The following SYT8 variants were observed in gnomAD, a reference collection of about 807,000 sequenced individuals.
SYT8 encodes synaptotagmin 8.
A neutral mutation model predicts 34.9 loss-of-function variants in SYT8; 50 were observed. That is an observed-to-expected ratio of 1.43 (90% CI 1.14 to 1.81). The LOEUF is 1.81. Ranked by LOEUF, SYT8 falls within the 40% of genes most tolerant of loss-of-function variation. The probability of loss-of-function intolerance (pLI) is 0.00; values close to 1 mark genes in which losing one functional copy is unlikely to be tolerated. For missense variants in SYT8, 595 were observed against 529.0 expected (o/e 1.12, Z -1.22); for synonymous variants, 255 against 234.2 (o/e 1.09, Z -0.81).
At chr11:1,833,812 G>A (rs1301241790), upstream of SYT8, 2 of 137,810 alleles carry the variant, frequency 1.5e-5, no homozygotes, top group Non-Finnish European at 3.1e-5. Context: ...CTGTGTGCGC[G>A]TGCGTGTGTG....
Position 1,836,438 on chromosome 11 carries a change from A to T in SYT8, c.530A>T (p.Glu177Val). The T allele has an allele frequency of 6.3e-7, 1 of 1,575,860 alleles. No individual in the cohort carries two copies. Among genetic ancestry groups the T allele is most frequent in the Non-Finnish European group, 8.6e-7 (1 of 1,162,652 alleles). ...ETCCFHIPQA[E>V]LPGATLQVQL... ...CCGCTGCCTCAGATCCCGCAGGCGGAGCTGCCAGGGGCCACCCTGCAGGTG... is the reference window on the plus strand; with the variant it reads ...CCGCTGCCTCAGATCCCGCAGGCGGTGCTGCCAGGGGCCACCCTGCAGGTG... Residue 177 changes from glutamate (E) to valine (V), a missense_variant, in exon 5 of 8, where the codon GAG becomes GTG. Transcript: ENST00000341958.
At position 1,836,976 on chromosome 11, in the gene SYT8, G is replaced by A. The variant is rs755002915; in HGVS notation, c.810G>A (p.Gln270=). The A allele has an allele frequency of 5.0e-6, 8 of 1,613,748 alleles. No individual in the cohort carries two copies. Among genetic ancestry groups the A allele is most frequent in the Non-Finnish European group, 6.8e-6 (8 of 1,180,014 alleles). The change falls in exon 7 of 8, where the codon CAG becomes CAA. Residue 270 remains glutamine (Q), a synonymous_variant. Transcript: ENST00000341958. ...PGLAEPYVKV[Q]LMLNQRKWKK... is the part of the protein sequence containing the mutation. ...TCCCAGAGCCCTACGTGAAGGTCCA[G>A]CTCATGCTGAACCAGAGGAAGTGGA... is the stretch of plus-strand genomic sequence containing the variant.
chr11:1,836,073 G>C, intron 3 of SYT8, 53 bp from the exon 4 acceptor site: 1 of 1,554,902 alleles, frequency 6.4e-7, no homozygotes, highest in Non-Finnish European at 8.7e-7. Flanking sequence ...CCTGGGTGGT[G>C]GGGAGCTGAC....
Position 1,836,500 on chromosome 11 carries a change from C to T in SYT8, c.592C>T (p.Pro198Ser), listed in dbSNP as rs753760304. ...FNFKRFSGHE[P>S]LGELRLPLGT... ...CTTCAAGCGCTTCTCGGGGCATGAG[C>T]CCCTGGGTGAGCTCCGTCTGCCACT... The change falls in exon 5 of 8, where the codon CCC becomes TCC. Residue 198 changes from proline to serine, a missense_variant. By Grantham distance (74) the Pro-to-Ser change is moderately conservative. Transcript: ENST00000341958. 3.1e-6 allele frequency: 5 copies of T among 1,612,330 alleles called. No homozygotes were observed. In the Admixed American group the frequency reaches 5.0e-5, roughly 16 times the overall value.
At chr11:1,832,604 G>C (rs916821846), upstream of SYT8, among the ~76,000 whole-genome samples, 1 of 152,162 alleles carries the variant, frequency 6.6e-6, no homozygotes, top group Non-Finnish European at 1.5e-5. Flanking sequence ...GCCGGGTCCC[G>C]AGGGGCGGAC....
chr11:1,835,489 C>A, intron 2 of SYT8, 30 bp downstream of exon 2: 1 of 1,606,022 alleles, frequency 6.2e-7, no homozygotes. Context: ...TCACTCAGTC[C>A]AGAGAGGGCT....
At chr11:1,834,298 A>G, upstream of SYT8, 1 of 538,678 alleles carries the variant, frequency 1.9e-6, no homozygotes, top group Non-Finnish European at 3.3e-6. This position sits in a 1 kb window ranked among gnomAD's most constrained non-coding sequence, Gnocchi z 4.5. Context: ...CTTCCCACCC[A>G]CATGCCGAAG....
At chr11:1,834,728 G>A, upstream of SYT8, 1 of 1,049,772 alleles carries the variant, frequency 9.5e-7, no homozygotes, top group Non-Finnish European at 1.4e-6. This position sits in a 1 kb window ranked among gnomAD's most constrained non-coding sequence, Gnocchi z 4.5. Context: ...GGAGAGAGAA[G>A]CAGGGAGGGA....
intron 2 of SYT8, 89 bp downstream of exon 2, chr11:1,835,548 G>A (rs1480274519): frequency 6.0e-6 from 9 of 1,493,632 alleles, no homozygotes; most frequent in Non-Finnish European, 7.3e-6. Context: ...TTCAGCCCCA[G>A]GGATGGTTTA....
chr11:1,834,326 G>A (rs1304951952), upstream of SYT8: 3 of 545,106 alleles, frequency 5.5e-6, no homozygotes, highest in Non-Finnish European at 6.4e-6. The surrounding 1 kb of genome is among the most constrained non-coding windows in gnomAD (Gnocchi z 4.5). Context: ...AGGCAGGCAG[G>A]TGGACGAGTC....
rs1203701811 is a variant in SYT8 at position 1,835,276 on chromosome 11, C to A, written c.95-20C>A. 6.2e-7 allele frequency: 1 copy of A among 1,600,880 alleles called. No individual in the cohort carries two copies. The highest frequency in any genetic ancestry group is 8.5e-7 in the Non-Finnish European group (1 of 1,171,816). On this transcript the variant is annotated intron_variant, in intron 1 of 7. Transcript: ENST00000341958. ...GGCTGCAGCTGTCCACAGATGCACT[C>A]AGCCTGGCCTCTACCCCAGGGCCCC...
chr11:1,834,231 T>A (rs1020012487), upstream of SYT8: 1 of 430,188 alleles, frequency 2.3e-6, no homozygotes, highest in African/African-American at 2.1e-5. The surrounding 1 kb of genome is among the most constrained non-coding windows in gnomAD (Gnocchi z 4.5). Flanking sequence ...GTGTGCTCCC[T>A]CCCCAGGCCC....
Position 1,837,097 on chromosome 11 carries a change from C to G in SYT8, c.924+7C>G. On this transcript the variant is annotated splice_region_variant and intron_variant, in intron 7 of 7. Transcript: ENST00000341958. ...GCCCTTCAGCCAGGTCCAGGTGGGC[C>G]ACCGGGAGGCAGGGGCAGAGCGAGA... is the stretch of plus-strand genomic sequence containing the variant. The G allele has an allele frequency of 6.2e-7, 1 of 1,613,126 alleles. No individual in the cohort carries two copies. Among genetic ancestry groups the G allele is most frequent in the Non-Finnish European group, 8.5e-7 (1 of 1,179,648 alleles).
rs781055658 is a variant in SYT8, at chr11:1,835,790, G to C, written c.259-96G>C. The C allele has an allele frequency of 9.9e-6, 11 of 1,109,544 alleles. No homozygotes were observed. In the Middle Eastern group the frequency reaches 7.6e-4, roughly 77 times the overall value. 68.7% of individuals were successfully genotyped at this position (1,109,544 alleles called of 1,614,324 possible). A position where few individuals can be genotyped will look rare whatever the true frequency, so the allele number is the denominator to read the frequency against. Reference sequence around the variant, plus strand: ...GGGTGGCCTGGCCTGGAGGCGGGGGGTCTTGACCCATGTCATGCAAGGGCT... The same window carrying C: ...GGGTGGCCTGGCCTGGAGGCGGGGGCTCTTGACCCATGTCATGCAAGGGCT... On this transcript the variant is annotated intron_variant, in intron 2 of 7. Transcript: ENST00000341958.
intron 2 of SYT8, 106 bp downstream of exon 2, chr11:1,835,565 A>G: frequency 7.3e-7 from 1 of 1,364,366 alleles, no homozygotes. Context: ...TTTAACCCCC[A>G]CAGAGGCAGG....
At chr11:1,833,499 C>T (rs961322703), upstream of SYT8, among the ~76,000 whole-genome samples, 3 of 152,256 alleles carry the variant, frequency 2.0e-5, no homozygotes, top group East Asian at 1.9e-4. Context: ...CCCTGACCTC[C>T]GCATCTCCTT....
Position 1,835,942 on chromosome 11 carries a change from G to T in SYT8, c.315G>T (p.Gly105=), listed in dbSNP as rs117712670. 1.2e-6 allele frequency: 2 copies of T among 1,609,648 alleles called. No individual in the cohort carries two copies. The highest frequency in any genetic ancestry group is 1.7e-5 in the Admixed American group (1 of 58,640). The part of the protein sequence containing the change: ...ESSPGDAQQW[G]CLQLSLEFDF... Reference sequence around the variant, plus strand: ...GCCCGGGGGATGCTCAGCAATGGGGGTGCCTGCAGCTCTCCCTGGAGTTCG... The same window carrying T: ...GCCCGGGGGATGCTCAGCAATGGGGTTGCCTGCAGCTCTCCCTGGAGTTCG... The change falls in exon 3 of 8, where the codon GGG becomes GGT. Residue 105 remains glycine (G), a synonymous_variant. Coordinates refer to ENST00000341958, the MANE Select transcript of SYT8 (RefSeq NM_001394072.1).
chr11:1,833,430 C>T (rs1846742441), upstream of SYT8, among the ~76,000 whole-genome samples: 1 of 152,266 alleles, frequency 6.6e-6, no homozygotes, highest in Non-Finnish European at 1.5e-5. Context: ...CGCATTAAAC[C>T]AAGCAGGGAC....
intron 2 of SYT8, 65 bp from the exon 3 acceptor site, chr11:1,835,821 G>A (rs1846881418): frequency 7.1e-7 from 1 of 1,414,800 alleles, no homozygotes; most frequent in Non-Finnish European, 9.9e-7. Flanking sequence ...GGGCTGCCCG[G>A]GAGCCCAGGG....
Sources: allele counts gnomAD v4.1 joint callset (sites outside exome capture counted in the v4.1 genomes callset), GRCh38; gene constraint gnomAD v4.1.1; non-coding constraint Gnocchi (gnomAD v3.1); transcripts MANE v1.5; gene names NCBI Gene and HGNC (gene_info 2026-07-23, HGNC 2026-07-21).